The following FAM78B variants were observed in gnomAD, a reference collection of about 807,000 sequenced individuals.
FAM78B encodes family with sequence similarity 78 member B.
In FAM78B, 10 loss-of-function variants were observed where a neutral mutation model predicts 20.0. That is an observed-to-expected ratio of 0.50 (90% confidence interval 0.31 to 0.85). The LOEUF is 0.85. Among genes scored for constraint, FAM78B ranks in the 40% least tolerant of loss-of-function variants. The pLI, the probability that FAM78B is intolerant of heterozygous loss-of-function variation, is 0.05. For missense variants in FAM78B, 283 were observed against 345.0 expected, an observed-to-expected ratio of 0.82 and a Z score of 1.42; for synonymous variants, 135 against 132.8, an observed-to-expected ratio of 1.02 and a Z score of -0.12.
At position 166,151,407 on chromosome 1, in the gene FAM78B, C is replaced by T. The variant is rs371237594; in HGVS notation, c.263+14579G>A. ...CTAGATTCTAATTCTGATGACCAGA[C>T]GTTTCAGGAAGCACCAGATGTTGAA... On this transcript the variant is annotated intron_variant, in intron 1 of 1. Coordinates refer to ENST00000354422, the MANE Select transcript of FAM78B (RefSeq NM_001017961.5). Among the ~76,000 whole-genome samples, 27 of 152,280 alleles carry T rather than the reference C, an allele frequency of 1.8e-4. No individual in the cohort carries two copies. In the East Asian group the frequency reaches 2.1e-3, roughly 12 times the overall value.
intron 1 of FAM78B, among the ~76,000 whole-genome samples, chr1:166,096,536 C>T (rs904671206): frequency 2.0e-5 from 3 of 152,232 alleles, no homozygotes; most frequent in African/African-American, 7.2e-5. Context: ...CATAATAGAT[C>T]TCATTCCTGG....
At chr1:166,110,221 A>G (rs1653998044) in intron 1 of FAM78B, among the ~76,000 whole-genome samples, 1 of 151,584 alleles carries the variant, frequency 6.6e-6, no homozygotes, top group African/African-American at 2.4e-5. Flanking sequence ...TTAAGAACTT[A>G]CTCATGTAAC....
At chr1:166,127,536 A>G (rs1654688452) in intron 1 of FAM78B, among the ~76,000 whole-genome samples, 2 of 152,158 alleles carry the variant, frequency 1.3e-5, no homozygotes, top group Non-Finnish European at 2.9e-5. Flanking sequence ...ACTGGGGCCT[A>G]CTGTATGTGC....
intron 1 of FAM78B, among the ~76,000 whole-genome samples, chr1:166,077,010 AAGG>A (rs1440512678): frequency 6.6e-6 from 1 of 152,222 alleles, no homozygotes; most frequent in East Asian, 1.9e-4. Context: ...GCCAGCAAAA[AAGG>A]AGAACTAATT....
chr1:166,092,939 C>T (rs1242834711), intron 1 of FAM78B, among the ~76,000 whole-genome samples: 1 of 152,186 alleles, frequency 6.6e-6, no homozygotes, highest in Non-Finnish European at 1.5e-5. Flanking sequence ...ATCTCAGAGA[C>T]ATTCTAACTT....
chr1:166,110,859 T>C (rs1654026303), intron 1 of FAM78B, among the ~76,000 whole-genome samples: 1 of 152,176 alleles, frequency 6.6e-6, no homozygotes, highest in South Asian at 2.1e-4. Context: ...AGGCTGTGAA[T>C]TAAGAAGTTA....
intron 1 of FAM78B, among the ~76,000 whole-genome samples, chr1:166,075,771 AT>A (rs984961752): frequency 6.6e-6 from 1 of 151,928 alleles, no homozygotes; most frequent in African/African-American, 2.4e-5. Context: ...ATCTATTTGC[AT>A]TTCCTTGGTG....
At chr1:166,120,897 A>G (rs1205538085) in intron 1 of FAM78B, among the ~76,000 whole-genome samples, 1 of 152,208 alleles carries the variant, frequency 6.6e-6, no homozygotes, top group Non-Finnish European at 1.5e-5. Flanking sequence ...TAAGTTTCCA[A>G]CACTCTCCCC....
intron 1 of FAM78B, among the ~76,000 whole-genome samples, chr1:166,111,622 C>T (rs1204990945): frequency 6.6e-6 from 1 of 152,220 alleles, no homozygotes; most frequent in East Asian, 1.9e-4. Flanking sequence ...GGGGAAAAGT[C>T]AAACTCCCAA....
intron 1 of FAM78B, among the ~76,000 whole-genome samples, chr1:166,111,212 G>A (rs1010685678): frequency 6.6e-5 from 10 of 152,188 alleles, no homozygotes; most frequent in Admixed American, 1.3e-4. Context: ...GGATCCATCC[G>A]GATTAGTGCT....
chr1:166,152,607 C>T (rs911240627), intron 1 of FAM78B, among the ~76,000 whole-genome samples: 6 of 152,126 alleles, frequency 3.9e-5, no homozygotes, highest in African/African-American at 1.4e-4. Context: ...TGTGCCCTCT[C>T]CCTGGATTCC....
intron 1 of FAM78B, among the ~76,000 whole-genome samples, chr1:166,135,817 C>T (rs555771990): frequency 5.9e-5 from 9 of 152,232 alleles, no homozygotes; most frequent in East Asian, 3.9e-4. Context: ...AGGTCTATGC[C>T]GAAAGAATTT....
At chr1:166,117,278 C>A (rs764008180) in intron 1 of FAM78B, among the ~76,000 whole-genome samples, 13 of 152,152 alleles carry the variant, frequency 8.5e-5, no homozygotes, top group Non-Finnish European at 1.5e-4. Flanking sequence ...CATTTTGTAT[C>A]TTGTGGGACA....
chr1:166,137,787 A>G (rs1427106050), intron 1 of FAM78B, among the ~76,000 whole-genome samples: 2 of 152,256 alleles, frequency 1.3e-5, no homozygotes, highest in African/African-American at 4.8e-5. Context: ...AATGCAGAAT[A>G]GTACTATGGG....
intron 1 of FAM78B, among the ~76,000 whole-genome samples, chr1:166,140,235 C>T (rs761873040): frequency 2.5e-4 from 38 of 152,268 alleles, no homozygotes; most frequent in Non-Finnish European, 4.4e-4. Context: ...GCACAATCCA[C>T]CGCCAACATG....
chr1:166,152,713 C>G (rs1253995293), intron 1 of FAM78B, among the ~76,000 whole-genome samples: 2 of 150,924 alleles, frequency 1.3e-5, no homozygotes, highest in African/African-American at 4.9e-5. Flanking sequence ...GAATCTCGCT[C>G]TGTCACCAGG....
chr1:166,126,109 C>T (rs149392290), intron 1 of FAM78B, among the ~76,000 whole-genome samples: 234 of 152,284 alleles, frequency 1.5e-3, no homozygotes, highest in Non-Finnish European at 2.6e-3. Flanking sequence ...GCTGGGATTA[C>T]AGGTGTGAGC....
intron 2 of FAM78B, among the ~76,000 whole-genome samples, chr1:166,062,621 C>T (rs902225449): frequency 6.6e-5 from 10 of 152,320 alleles, no homozygotes; most frequent in Admixed American, 1.3e-4. Flanking sequence ...AAATGGGTGG[C>T]GTAGCCTCTC....
chr1:166,067,494 G>C (rs1651841841), downstream of FAM78B, among the ~76,000 whole-genome samples: 2 of 152,156 alleles, frequency 1.3e-5, no homozygotes, highest in African/African-American at 2.4e-5. Flanking sequence ...TCTGGCGTCA[G>C]GCCCAGGCAT....
Sources: allele counts gnomAD v4.1 joint callset (sites outside exome capture counted in the v4.1 genomes callset), GRCh38; gene constraint gnomAD v4.1.1; transcripts MANE v1.5; gene names NCBI Gene and HGNC (gene_info 2026-07-23, HGNC 2026-07-21).